B4GALT1: variants seen among roughly 807,000 people sequenced by gnomAD.
B4GALT1 encodes N-acetyllactosamine synthase.
B4GALT1 carries 16 observed loss-of-function variants against 34.9 expected under a neutral mutation model. That is an observed-to-expected ratio of 0.46 (90% confidence interval 0.31 to 0.70). The LOEUF (loss-of-function observed/expected upper bound fraction) is 0.70, where lower values mean the gene tolerates loss of function less well. Ranked by LOEUF, B4GALT1 falls within the 30% of genes least tolerant of loss-of-function variation. The pLI is 0.05. For missense variants in B4GALT1, 445 were observed against 530.5 expected (o/e 0.84, Z 1.58); for synonymous variants, 221 against 218.1 (o/e 1.01, Z -0.12).
intron 4 of B4GALT1, among the ~76,000 whole-genome samples, chr9:33,114,271 C>T (rs187471354): frequency 6.6e-6 from 1 of 152,164 alleles, no homozygotes; most frequent in African/African-American, 2.4e-5. Context: ...TAGGCAGAGC[C>T]CAGTTGAGGA....
chr9:33,113,254 C>T lies in B4GALT1; in HGVS notation c.*200G>A. 1.4e-6 allele frequency: 1 copy of T among 704,416 alleles called. No individual in the cohort carries two copies. The highest frequency in any genetic ancestry group is 1.7e-5 in the South Asian group (1 of 58,440). 43.6% of individuals were successfully genotyped at this position (704,416 alleles called of 1,614,324 possible). ...GCAAAGGCATAAACACCTTGCAGAG[C>T]TAAGAATTCACATGCCGAGCCAAGT... On this transcript the variant is annotated 3_prime_UTR_variant, in exon 6 of 6. Transcript: ENST00000379731.
chr9:33,107,610 A>C (rs1839808258), downstream of B4GALT1, among the ~76,000 whole-genome samples: 1 of 152,182 alleles, frequency 6.6e-6, no homozygotes, highest in African/African-American at 2.4e-5. Flanking sequence ...AAGAGGTGGT[A>C]TGTGGGGGAT....
the B4GALT1 span, among the ~76,000 whole-genome samples, chr9:33,176,803 C>T: frequency 2.0e-5 from 3 of 150,990 alleles, no homozygotes; most frequent in South Asian, 2.1e-4. Context: ...GCAATATACT[C>T]ATATAACAAA....
rs1258627598 is a variant in B4GALT1, at chr9:33,110,671, A to T, written c.*2783T>A. 6.6e-6 allele frequency: 1 copy of T among 152,158 alleles called. No homozygotes were observed. Among genetic ancestry groups the T allele is most frequent in the South Asian group, 2.1e-4 (1 of 4,838 alleles). 9.4% of individuals were successfully genotyped at this position (152,158 alleles called of 1,614,324 possible). On this transcript the variant is annotated 3_prime_UTR_variant, in exon 6 of 6. Transcript: ENST00000379731. The stretch of plus-strand genomic sequence containing the variant: ...AAAGATAGGGTCATTTATTCACGTT[A>T]TATTATTTAATTTTAAAGGCAAAAA...
intron 2 of B4GALT1, among the ~76,000 whole-genome samples, chr9:33,127,732 T>C (rs1018509412): frequency 6.6e-6 from 1 of 152,252 alleles, no homozygotes; most frequent in African/African-American, 2.4e-5. Flanking sequence ...TGATGAAGAC[T>C]ATGAAATAAC....
At chr9:33,141,915 C>T (rs1048447153) in intron 1 of B4GALT1, among the ~76,000 whole-genome samples, 11 of 152,170 alleles carry the variant, frequency 7.2e-5, no homozygotes, top group Admixed American at 5.2e-4. Context: ...TCGATTCTCA[C>T]GTGAAGCATT....
intron 1 of B4GALT1, among the ~76,000 whole-genome samples, chr9:33,148,661 G>C (rs1378877370): frequency 6.6e-6 from 1 of 152,168 alleles, no homozygotes; most frequent in Non-Finnish European, 1.5e-5. Context: ...TAAAAACAAA[G>C]GTGCACACTT....
intron 1 of B4GALT1, among the ~76,000 whole-genome samples, chr9:33,137,035 C>T (rs776852207): frequency 1.3e-5 from 2 of 152,248 alleles, no homozygotes; most frequent in Non-Finnish European, 2.9e-5. Context: ...CCCTCCGTAG[C>T]TGACCCAGGT....
intron 1 of B4GALT1, among the ~76,000 whole-genome samples, chr9:33,160,378 T>G (rs1164184720): frequency 6.6e-6 from 1 of 152,226 alleles, no homozygotes; most frequent in Non-Finnish European, 1.5e-5. Context: ...TTTAAAGGTA[T>G]AGGGTCAAGT....
At chr9:33,132,795 A>G (rs1840212661) in intron 2 of B4GALT1, among the ~76,000 whole-genome samples, 1 of 152,244 alleles carries the variant, frequency 6.6e-6, no homozygotes, top group African/African-American at 2.4e-5. Flanking sequence ...TAGACGTAGC[A>G]TCCCACCCTC....
At chr9:33,142,504 A>G (rs1009347621) in intron 1 of B4GALT1, among the ~76,000 whole-genome samples, 29 of 152,192 alleles carry the variant, frequency 1.9e-4, no homozygotes, top group African/African-American at 7.0e-4. Context: ...CTGACATGAT[A>G]TGTCTTGGGT....
Position 33,123,021 on chromosome 9 carries a change from G to A in B4GALT1, c.649-2415C>T, listed in dbSNP as rs151334458. ...TTGCCGGGCACAGTGGCTCACGTAT[G>A]TAATCCTAGCACTTTGGAAGGCCAA... On this transcript the variant is annotated intron_variant, in intron 2 of 5. Transcript: ENST00000379731. Among the ~76,000 whole-genome samples the A allele has an allele frequency of 9.8e-3, 1,490 of 152,260 alleles. 23 individuals are homozygous for A. The highest frequency in any genetic ancestry group is 0.034 in the African/African-American group (1,402 of 41,530).
intron 1 of B4GALT1, among the ~76,000 whole-genome samples, chr9:33,145,383 A>C (rs916763951): frequency 6.6e-6 from 1 of 152,206 alleles, no homozygotes; most frequent in East Asian, 1.9e-4. Context: ...TGAGAGAATA[A>C]TCCCAAAGCT....
At chr9:33,127,896 G>A (rs532012300) in intron 2 of B4GALT1, among the ~76,000 whole-genome samples, 9 of 152,144 alleles carry the variant, frequency 5.9e-5, no homozygotes, top group South Asian at 2.1e-4. Flanking sequence ...CAGCATTTCC[G>A]AGAGAGCCCA....
chr9:33,121,138 C>G (rs1203704151), intron 2 of B4GALT1, among the ~76,000 whole-genome samples: 1 of 152,140 alleles, frequency 6.6e-6, no homozygotes, highest in African/African-American at 2.4e-5. Context: ...ACATTGTGTG[C>G]CTTCCATCTA....
chr9:33,161,339 C>A (rs752385940), intron 1 of B4GALT1, among the ~76,000 whole-genome samples: 2 of 152,126 alleles, frequency 1.3e-5, no homozygotes, highest in Admixed American at 6.5e-5. Flanking sequence ...TCCCCCACCC[C>A]CAAGCCCCAC....
chr9:33,164,083 G>T (rs920338942), intron 1 of B4GALT1, among the ~76,000 whole-genome samples: 2 of 152,150 alleles, frequency 1.3e-5, no homozygotes, highest in African/African-American at 4.8e-5. Context: ...GGTGCCTTAT[G>T]TCCTCCAGGG....
intron 3 of B4GALT1, among the ~76,000 whole-genome samples, chr9:33,119,508 A>C (rs1487313711): frequency 1.3e-5 from 2 of 152,248 alleles, no homozygotes; most frequent in African/African-American, 4.8e-5. Flanking sequence ...CTTGAGCCCA[A>C]GAGTTCAAGC....
chr9:33,148,785 T>C (rs1840464750), intron 1 of B4GALT1, among the ~76,000 whole-genome samples: 1 of 148,238 alleles, frequency 6.7e-6, no homozygotes, highest in South Asian at 2.1e-4. Flanking sequence ...ACCATGGAAC[T>C]TCTTGCTGTG....
Sources: allele counts gnomAD v4.1 joint callset (sites outside exome capture counted in the v4.1 genomes callset), GRCh38; gene constraint gnomAD v4.1.1; transcripts MANE v1.5; gene names NCBI Gene and HGNC (gene_info 2026-07-23, HGNC 2026-07-21).